DPYSL5: variants seen among roughly 807,000 people sequenced by gnomAD.
DPYSL5 encodes the protein dihydropyrimidinase like 5.
DPYSL5 carries 9 observed loss-of-function variants against 58.4 expected under a neutral mutation model. That is an observed-to-expected ratio of 0.15 (90% CI 0.09 to 0.27). The LOEUF (loss-of-function observed/expected upper bound fraction) is 0.27, where lower values mean the gene tolerates loss of function less well. DPYSL5 is among the 10% of genes least tolerant of loss of function. The pLI is 1.00. For missense variants in DPYSL5, 499 were observed against 770.6 expected (o/e 0.65, Z 4.17); for synonymous variants, 293 against 301.9 (o/e 0.97, Z 0.31).
In DPYSL5 at chr2:26,924,815, C is replaced by T; in HGVS notation, c.262-72C>T. On this transcript the variant is annotated intron_variant, in intron 2 of 12. Transcript: ENST00000288699. This position sits in a 1 kb window ranked among gnomAD's most constrained non-coding sequence, Gnocchi z 4.7. ...CCTGTCTTTGAATGGACCATGAGGACCATGTCTCACCACATCATTGACTCG... is the reference window on the plus strand; with the variant it reads ...CCTGTCTTTGAATGGACCATGAGGATCATGTCTCACCACATCATTGACTCG... 6.5e-7 allele frequency: 1 copy of T among 1,548,978 alleles called. No homozygotes were observed. Among genetic ancestry groups the T allele is most frequent in the Non-Finnish European group, 8.7e-7 (1 of 1,145,394 alleles).
At chr2:26,901,870 A>G (rs1389486175) in intron 2 of DPYSL5, among the ~76,000 whole-genome samples, 1 of 151,212 alleles carries the variant, frequency 6.6e-6, no homozygotes, top group African/African-American at 2.4e-5. Flanking sequence ...CTTTCCGAGA[A>G]CATCTGGGCC....
At chr2:26,932,093 G>GGAAA (rs1394731419) in intron 6 of DPYSL5, among the ~76,000 whole-genome samples, 14,196 of 56,422 alleles carry the variant, frequency 0.25, 2,603 homozygotes, top group Middle Eastern at 0.36. Context: ...AAAGAAAAAA[G>GGAAA]AAAGAGAAAG....
At chr2:26,889,134 C>A (rs745783439) in intron 1 of DPYSL5, among the ~76,000 whole-genome samples, 10 of 152,148 alleles carry the variant, frequency 6.6e-5, no homozygotes, top group Non-Finnish European at 8.8e-5. Flanking sequence ...CACAAACATT[C>A]CATTCATTGC....
Position 26,924,393 on chromosome 2 carries a change from T to A in DPYSL5, c.262-494T>A, listed in dbSNP as rs1664775432. Among the ~76,000 whole-genome samples the A allele has an allele frequency of 6.6e-6, 1 of 152,198 alleles. No individual in the cohort carries two copies. Among genetic ancestry groups the A allele is most frequent in the Non-Finnish European group, 1.5e-5 (1 of 68,034 alleles). On this transcript the variant is annotated intron_variant, in intron 2 of 12. Transcript: ENST00000288699. The surrounding 1 kb of genome is among the most constrained non-coding windows in gnomAD (Gnocchi z 4.7). Reference sequence around the variant, plus strand: ...ATAAAACAAAACAATATATCCAAATTAACATTTTCTATATCGTGGTTCAAA... The same window carrying A: ...ATAAAACAAAACAATATATCCAAATAAACATTTTCTATATCGTGGTTCAAA...
At chr2:26,941,845 C>A in intron 9 of DPYSL5, 105 bp from the exon 10 acceptor site, 1 of 1,495,796 alleles carries the variant, frequency 6.7e-7, no homozygotes, top group Non-Finnish European at 9.2e-7. Context: ...GACCACTGTC[C>A]TGACCACCTA....
At chr2:26,932,173 A>AAGAAAGAAAGAAAGAC (rs1558351489) in intron 6 of DPYSL5, among the ~76,000 whole-genome samples, 3 of 72,062 alleles carry the variant, frequency 4.2e-5, no homozygotes, top group Non-Finnish European at 9.0e-5. Flanking sequence ...GAAAGAAAGA[A>AAGAAAGAAAGAAAGAC]AGAAAGAAAG....
chr2:26,861,377 A>G (rs1367804955), intron 1 of DPYSL5, among the ~76,000 whole-genome samples: 4 of 152,216 alleles, frequency 2.6e-5, no homozygotes, highest in African/African-American at 7.2e-5. Context: ...CAGGTTCACA[A>G]TGTGTGTGAT....
rs1334972890 is a variant in DPYSL5, at chr2:26,924,687, T to A, written c.262-200T>A. 6.6e-6 allele frequency among the ~76,000 whole-genome samples: 1 copy of A among 152,098 alleles called. No individual in the cohort carries two copies. The highest frequency in any genetic ancestry group is 1.9e-4 in the East Asian group (1 of 5,178). ...AGGAAGAAGCAGGTTTGGGGACCCG[T>A]GGTCATGATGAAGGTCGCGCTGGCT... On this transcript the variant is annotated intron_variant, in intron 2 of 12. Coordinates refer to ENST00000288699, the MANE Select transcript of DPYSL5 (RefSeq NM_020134.4). The surrounding 1 kb of genome is among the most constrained non-coding windows in gnomAD (Gnocchi z 4.7).
At chr2:26,904,860 C>T (rs1664249751) in intron 2 of DPYSL5, among the ~76,000 whole-genome samples, 1 of 152,202 alleles carries the variant, frequency 6.6e-6, no homozygotes, top group Admixed American at 6.5e-5. Flanking sequence ...GCTGTGATTG[C>T]ACCACTGCAC....
intron 5 of DPYSL5, among the ~76,000 whole-genome samples, chr2:26,931,007 C>G (rs1368123590): frequency 6.8e-6 from 1 of 148,008 alleles, no homozygotes; most frequent in African/African-American, 2.5e-5. Context: ...AGCATGGTAG[C>G]GCATGCCTGT....
chr2:26,850,324 C>A (rs1424118474), intron 1 of DPYSL5, among the ~76,000 whole-genome samples: 5 of 152,076 alleles, frequency 3.3e-5, no homozygotes, highest in Admixed American at 2.6e-4. Context: ...GCAGATGAAC[C>A]GAATGGAAGC....
chr2:26,918,452 AGAAACTACC>A (rs1453983564), intron 2 of DPYSL5, among the ~76,000 whole-genome samples: 1 of 148,924 alleles, frequency 6.7e-6, no homozygotes, highest in African/African-American at 2.5e-5. Context: ...TGAGCAATAG[AGAAACTACC>A]GAGCTGGTTA....
intron 1 of DPYSL5, among the ~76,000 whole-genome samples, chr2:26,875,038 G>A (rs962680656): frequency 6.6e-6 from 1 of 152,078 alleles, no homozygotes; most frequent in Non-Finnish European, 1.5e-5. Context: ...TACAAGTTTT[G>A]CACCTATTTT....
rs1467691254 is a variant in DPYSL5 at position 26,849,247 on chromosome 2, G to T, written c.-5+993G>T. Among the ~76,000 whole-genome samples, 3 of 152,036 alleles carry T rather than the reference G, an allele frequency of 2.0e-5. No individual in the cohort carries two copies. Among genetic ancestry groups the T allele is most frequent in the Non-Finnish European group, 2.9e-5 (2 of 67,948 alleles). ...GGGGAGGGGAGGAGGGATGCAGGCGGGTGGAGGCCGCCTGGGTTTGAGGAG... is the reference window on the plus strand; with the variant it reads ...GGGGAGGGGAGGAGGGATGCAGGCGTGTGGAGGCCGCCTGGGTTTGAGGAG... On this transcript the variant is annotated intron_variant, in intron 1 of 12. Transcript: ENST00000288699. This position sits in a 1 kb window ranked among gnomAD's most constrained non-coding sequence, Gnocchi z 6.2.
intron 2 of DPYSL5, among the ~76,000 whole-genome samples, chr2:26,914,250 G>A (rs1664509470): frequency 6.6e-6 from 1 of 152,200 alleles, no homozygotes; most frequent in African/African-American, 2.4e-5. Context: ...ACCTCGCTGC[G>A]CTGATGCAGG....
At chr2:26,919,053 A>C (rs1550400) in intron 2 of DPYSL5, among the ~76,000 whole-genome samples, 149,463 of 152,244 alleles carry the variant, frequency 0.98, 73,436 homozygotes, top group East Asian at 1. Flanking sequence ...AAGAGAGTGA[A>C]TCTTCAAAGG....
chr2:26,867,856 G>A (rs184431977), intron 1 of DPYSL5, among the ~76,000 whole-genome samples: 32 of 152,258 alleles, frequency 2.1e-4, no homozygotes, highest in South Asian at 4.1e-4. Context: ...AGAGTCCTAG[G>A]GGTGAGGTGC....
At chr2:26,880,833 C>T (rs1395991956) in intron 1 of DPYSL5, among the ~76,000 whole-genome samples, 2 of 152,226 alleles carry the variant, frequency 1.3e-5, no homozygotes. Context: ...TTCCCCAACC[C>T]AAGCCTTCTT....
intron 1 of DPYSL5, among the ~76,000 whole-genome samples, chr2:26,895,775 C>CTTTTTTTTTT (rs869030530): frequency 4.2e-4 from 42 of 101,082 alleles, no homozygotes; most frequent in African/African-American, 5.5e-4. Flanking sequence ...ATTTCTTTTT[C>CTTTTTTTTTT]TTTTTTTTTT....
Sources: allele counts gnomAD v4.1 joint callset (sites outside exome capture counted in the v4.1 genomes callset), GRCh38; gene constraint gnomAD v4.1.1; non-coding constraint Gnocchi (gnomAD v3.1); transcripts MANE v1.5; gene names NCBI Gene and HGNC (gene_info 2026-07-23, HGNC 2026-07-21).